Variants in CELF2 observed in about 807,000 individuals in gnomAD.
CELF2 encodes the protein CUG triplet repeat RNA-binding protein 2.
CELF2 carries 8 observed loss-of-function variants against 62.6 expected under a neutral mutation model. The ratio of observed to expected loss-of-function variants is 0.13; its 90% CI spans 0.07 to 0.23. The LOEUF (loss-of-function observed/expected upper bound fraction) is 0.23, where lower values mean the gene tolerates loss of function less well. Ranked by LOEUF, CELF2 falls within the 10% of genes least tolerant of loss-of-function variation. The pLI is 1.00. For synonymous variants in CELF2, 258 were observed against 250.0 expected (o/e 1.03, Z -0.30); for missense variants, 333 against 671.0 (o/e 0.50, Z 5.56).
rs186228430 is a variant in CELF2 at position 11,314,048 on chromosome 10, G to A, written c.977-91G>A. ...GCCACAAGCACAGCTCCTCAGCTCC[G>A]TCCACTGAGATGATGACAGAAGGAT... On this transcript the variant is annotated intron_variant, in intron 9 of 12. Transcript: ENST00000633077. The surrounding 1 kb of genome is among the most constrained non-coding windows in gnomAD (Gnocchi z 5.3). 88 of 1,322,864 alleles carry A rather than the reference G, an allele frequency of 6.7e-5. No individual in the cohort carries two copies. The highest frequency in any genetic ancestry group is 3.6e-4 in the Admixed American group (19 of 53,408). The allele number at this position is 1,322,864 out of a possible 1,614,324, so 81.9% of individuals were successfully genotyped here.
At chr10:10,978,220 C>T (rs1302713090) in intron 2 of CELF2, among the ~76,000 whole-genome samples, 1 of 151,986 alleles carries the variant, frequency 6.6e-6, no homozygotes, top group African/African-American at 2.4e-5. Context: ...GGTTTTATGC[C>T]ATTGTTCAGT....
intron 3 of CELF2, among the ~76,000 whole-genome samples, chr10:11,226,600 CCACA>C (rs59521803): frequency 1.8e-3 from 48 of 25,960 alleles, no homozygotes; most frequent in African/African-American, 2.6e-3. Context: ...CAGGCAGTGG[CCACA>C]CACACACACA....
the CELF2 span, among the ~76,000 whole-genome samples, chr10:10,561,338 G>A: frequency 6.6e-6 from 1 of 152,132 alleles, no homozygotes; most frequent in Admixed American, 6.5e-5. Flanking sequence ...ACATTTATTG[G>A]GCTGGGCTTA....
the CELF2 span, among the ~76,000 whole-genome samples, chr10:10,719,320 G>A: frequency 2.4e-4 from 36 of 152,152 alleles, no homozygotes; most frequent in Non-Finnish European, 3.8e-4. Context: ...GTATAGTGGC[G>A]CAATCATAGC....
chr10:11,205,053 T>G (rs575101960), intron 2 of CELF2, among the ~76,000 whole-genome samples: 1 of 152,302 alleles, frequency 6.6e-6, no homozygotes, highest in East Asian at 1.9e-4. Flanking sequence ...AATAAGAAAG[T>G]CATGAAAATG....
chr10:10,887,685 CT>C (rs1310471308), intron 1 of CELF2, among the ~76,000 whole-genome samples: 2 of 151,966 alleles, frequency 1.3e-5, no homozygotes, highest in Non-Finnish European at 2.9e-5. Context: ...ATCAAAGCTT[CT>C]GGTGGAACAC....
the CELF2 span, among the ~76,000 whole-genome samples, chr10:10,742,107 A>C: frequency 6.6e-6 from 1 of 152,192 alleles, no homozygotes; most frequent in East Asian, 1.9e-4. Context: ...CATTTAAGGT[A>C]ATTGATAGGT....
chr10:10,912,155 G>A (rs1009399361), intron 1 of CELF2, among the ~76,000 whole-genome samples: 1 of 151,998 alleles, frequency 6.6e-6, no homozygotes, highest in African/African-American at 2.4e-5. Flanking sequence ...AGGTGAGGAT[G>A]GAAGCGGTTG....
chr10:11,205,387 C>T (rs1332653373), intron 2 of CELF2, among the ~76,000 whole-genome samples: 3 of 152,238 alleles, frequency 2.0e-5, no homozygotes, highest in Non-Finnish European at 4.4e-5. Flanking sequence ...TGTTAGGGCT[C>T]AGCGCTCTAT....
intron 1 of CELF2, among the ~76,000 whole-genome samples, chr10:11,049,065 G>A (rs1363074686): frequency 6.7e-6 from 1 of 150,054 alleles, no homozygotes; most frequent in Non-Finnish European, 1.5e-5. Context: ...AAATTGGCAA[G>A]AAGGAAATCA....
chr10:11,129,414 C>T (rs2059266683), intron 1 of CELF2, among the ~76,000 whole-genome samples: 1 of 152,076 alleles, frequency 6.6e-6, no homozygotes, highest in African/African-American at 2.4e-5. Flanking sequence ...GGGAGGATTC[C>T]CTCTTTTTCT....
chr10:10,602,197 C>T, the CELF2 span, among the ~76,000 whole-genome samples: 6 of 152,152 alleles, frequency 3.9e-5, no homozygotes, highest in Non-Finnish European at 8.8e-5. Context: ...CTGCAGTGAA[C>T]GTGCTTGTAT....
chr10:10,484,750 A>G, the CELF2 span, among the ~76,000 whole-genome samples: 20 of 152,082 alleles, frequency 1.3e-4, no homozygotes, highest in Non-Finnish European at 1.2e-4. Flanking sequence ...TCAATAGATG[A>G]TGAACCTAAA....
At chr10:11,206,390 T>G (rs1011444787) in intron 2 of CELF2, among the ~76,000 whole-genome samples, 1 of 152,246 alleles carries the variant, frequency 6.6e-6, no homozygotes, top group Non-Finnish European at 1.5e-5. Flanking sequence ...ATCTATACTA[T>G]GAAATAACCT....
chr10:11,077,062 T>C (rs558743473), intron 1 of CELF2, among the ~76,000 whole-genome samples: 1 of 152,318 alleles, frequency 6.6e-6, no homozygotes, highest in East Asian at 1.9e-4. Flanking sequence ...TTCAATTTCC[T>C]CCCCTATAAA....
Position 11,217,119 on chromosome 10 carries a change from C to T in CELF2, c.272-306C>T, listed in dbSNP as rs2063553768. Among the ~76,000 whole-genome samples the T allele has an allele frequency of 6.6e-6, 1 of 152,210 alleles. No individual in the cohort carries two copies. The highest frequency in any genetic ancestry group is 2.1e-4 in the South Asian group (1 of 4,828). On this transcript the variant is annotated intron_variant, in intron 2 of 12. Coordinates refer to ENST00000633077, the MANE Select transcript of CELF2 (RefSeq NM_001326342.2). This position sits in a 1 kb window ranked among gnomAD's most constrained non-coding sequence, Gnocchi z 5.6. ...TTCTCTTCACGTAGGTGCTATAACA[C>T]AGGTCCCATTCACATCTCACCCATT...
intron 1 of CELF2, among the ~76,000 whole-genome samples, chr10:10,868,597 G>C (rs6602459): frequency 0.81 from 123,866 of 152,178 alleles, 51,158 homozygotes; most frequent in East Asian, 1. Context: ...GGCAGAAGAG[G>C]AGATGGGATG....
chr10:10,505,372 T>C, the CELF2 span, among the ~76,000 whole-genome samples: 1 of 152,060 alleles, frequency 6.6e-6, no homozygotes, highest in African/African-American at 2.4e-5. Flanking sequence ...ACTGACACCA[T>C]GGTGAGGGTG....
the CELF2 span, among the ~76,000 whole-genome samples, chr10:10,628,002 A>C: frequency 1.8e-4 from 28 of 152,302 alleles, no homozygotes; most frequent in East Asian, 4.6e-3. Flanking sequence ...TCCTGGGTTC[A>C]AGCAATTCTC....
Sources: gnomAD v4.1 joint callset for allele counts (sites outside exome capture counted in the v4.1 genomes callset) on GRCh38, gnomAD v4.1.1 for gene constraint, Gnocchi (gnomAD v3.1) non-coding constraint, MANE v1.5 for transcripts, NCBI Gene and HGNC (gene_info 2026-07-23, HGNC 2026-07-21) for gene names.